Variants in STRN observed in about 807,000 individuals in gnomAD.
STRN encodes the protein striatin.
STRN carries 53 observed loss-of-function variants against 96.3 expected under a neutral mutation model. That is an observed-to-expected ratio of 0.55 (90% CI 0.44 to 0.69). The LOEUF (loss-of-function observed/expected upper bound fraction) is 0.69, where lower values mean the gene tolerates loss of function less well. Among genes scored for constraint, STRN ranks in the 30% least tolerant of loss-of-function variants. The pLI, the probability that STRN is intolerant of heterozygous loss-of-function variation, is 0.00. For missense variants in STRN, 987 were observed against 963.9 expected (o/e 1.02, Z -0.32); for synonymous variants, 428 against 355.9 (o/e 1.20, Z -2.28).
At chr2:36,956,410 G>A (rs913512237) in intron 1 of STRN, among the ~76,000 whole-genome samples, 6 of 152,146 alleles carry the variant, frequency 3.9e-5, no homozygotes, top group African/African-American at 1.4e-4. Context: ...CTGACTCTGA[G>A]GCCCATACTT....
chr2:36,882,484 C>T (rs758875195), intron 9 of STRN, among the ~76,000 whole-genome samples: 1 of 152,090 alleles, frequency 6.6e-6, no homozygotes, highest in Non-Finnish European at 1.5e-5. Flanking sequence ...TCCTGAACTG[C>T]GGCTGAGCCC....
chr2:36,869,880 C>T (rs571186634), intron 10 of STRN, 151 bp from the exon 11 acceptor site: 61 of 579,950 alleles, frequency 1.1e-4, no homozygotes, highest in Middle Eastern at 5.0e-4. Context: ...AATAACCAAA[C>T]CACGAAGCAA....
At chr2:36,870,663 T>A (rs544341293) in intron 10 of STRN, among the ~76,000 whole-genome samples, 1 of 152,352 alleles carries the variant, frequency 6.6e-6, no homozygotes, top group African/African-American at 2.4e-5. Flanking sequence ...CTAGCACATA[T>A]AATTATGTAC....
intron 5 of STRN, among the ~76,000 whole-genome samples, chr2:36,901,303 A>G (rs1558644794): frequency 1.3e-5 from 2 of 152,200 alleles, no homozygotes; most frequent in African/African-American, 4.8e-5. Flanking sequence ...CGGTAATCCC[A>G]GTACTTCAGG....
At chr2:36,948,207 T>A (rs1056825202) in intron 1 of STRN, among the ~76,000 whole-genome samples, 1 of 148,902 alleles carries the variant, frequency 6.7e-6, no homozygotes, top group African/African-American at 2.5e-5. Context: ...GTTCAAGTGA[T>A]TCTCCTGCCT....
intron 11 of STRN, among the ~76,000 whole-genome samples, chr2:36,868,276 T>C (rs1163755505): frequency 6.6e-6 from 1 of 152,120 alleles, no homozygotes; most frequent in Non-Finnish European, 1.5e-5. Context: ...TAACACCAAA[T>C]AATCACAGGA....
intron 1 of STRN, among the ~76,000 whole-genome samples, chr2:36,961,864 T>C (rs750334202): frequency 6.6e-6 from 1 of 152,192 alleles, no homozygotes; most frequent in Non-Finnish European, 1.5e-5. Flanking sequence ...CTAGCCACTT[T>C]TCCCTCCTTG....
At chr2:36,920,707 G>C (rs1670229791) in intron 2 of STRN, among the ~76,000 whole-genome samples, 4 of 149,590 alleles carry the variant, frequency 2.7e-5, no homozygotes, top group Admixed American at 1.3e-4. Context: ...AGTTAAGAAA[G>C]AGAAGAAAAA....
In STRN at chr2:36,842,137, C is replaced by T. The variant is rs986985069; in HGVS notation, c.*7319G>A. 2 of 152,180 alleles carry T rather than the reference C, an allele frequency of 1.3e-5. No homozygotes were observed. The highest frequency in any genetic ancestry group is 6.6e-5 in the Admixed American group (1 of 15,266). 9.4% of individuals were successfully genotyped at this position (152,180 alleles called of 1,614,324 possible). Reference sequence around the variant, plus strand: ...TTAACATTTCGGCACATATACAAACCACAAGCTGTTTATTTCTACAACTCA... The same window carrying T: ...TTAACATTTCGGCACATATACAAACTACAAGCTGTTTATTTCTACAACTCA... On this transcript the variant is annotated 3_prime_UTR_variant, in exon 18 of 18. Transcript: ENST00000263918.
intron 1 of STRN, among the ~76,000 whole-genome samples, chr2:36,962,480 T>C (rs1231014597): frequency 1.3e-5 from 2 of 152,182 alleles, no homozygotes; most frequent in Non-Finnish European, 2.9e-5. Flanking sequence ...TAAAGTTCTT[T>C]ACTCCTGCTA....
chr2:36,957,181 G>T (rs955189274), intron 1 of STRN, among the ~76,000 whole-genome samples: 5 of 152,128 alleles, frequency 3.3e-5, no homozygotes, highest in Admixed American at 3.3e-4. Flanking sequence ...ATCCCTAAAG[G>T]GCTTATGTCT....
chr2:36,903,688 T>G (rs1354479383), intron 4 of STRN, among the ~76,000 whole-genome samples: 2 of 152,218 alleles, frequency 1.3e-5, no homozygotes, highest in Non-Finnish European at 2.9e-5. Context: ...TCTTAGTTAT[T>G]ATAGCTGAAA....
At chr2:36,893,665 C>T (rs1295477806) in intron 7 of STRN, among the ~76,000 whole-genome samples, 1 of 152,064 alleles carries the variant, frequency 6.6e-6, no homozygotes, top group African/African-American at 2.4e-5. Flanking sequence ...TATAGTAATT[C>T]AAATTCTTTT....
chr2:36,857,881 T>A lies in STRN; in HGVS notation c.1812A>T (p.Ala604=). Residue 604 remains alanine, a synonymous_variant, in exon 14 of 18, where the codon GCA becomes GCT. Coordinates refer to ENST00000263918, the MANE Select transcript of STRN (RefSeq NM_003162.4). ...CTTTAGTATCATTAAATACACTTAG[T>A]GCTGGAGCAACCTCAGTTGTATTCC... ...RLWNTTEVAP[A]LSVFNDTKEL... is the part of the protein sequence containing the mutation. 6.2e-7 allele frequency: 1 copy of A among 1,614,120 alleles called. No individual in the cohort carries two copies. The highest frequency in any genetic ancestry group is 8.5e-7 in the Non-Finnish European group (1 of 1,179,984).
chr2:36,949,025 G>T (rs912051479), intron 1 of STRN, among the ~76,000 whole-genome samples: 7 of 152,220 alleles, frequency 4.6e-5, no homozygotes, highest in Non-Finnish European at 8.8e-5. Context: ...ATATATACAT[G>T]ATGGTGGTCC....
Position 36,849,758 on chromosome 2 carries a change from G to C in STRN, c.2129C>G (p.Thr710Arg). 6.2e-7 allele frequency: 1 copy of C among 1,614,086 alleles called. No individual in the cohort carries two copies. Residue 710 changes from threonine to arginine, a missense_variant, in exon 17 of 18, where the codon ACA (threonine) becomes AGA (arginine). Physicochemically the swap from Thr to Arg is moderately conservative, Grantham distance 71. Transcript: ENST00000263918. The stretch of plus-strand genomic sequence containing the variant: ...GCCATTGGGATCAACTGCTAAACTT[G>C]TAACAGCTTCTAGGTGGGCTACCAT... ...HSMVAHLEAV[T>R]SLAVDPNGLY...
rs573722177 is a variant in STRN at position 36,897,449 on chromosome 2, T to A, written c.795+2074A>T. Among the ~76,000 whole-genome samples, 239 of 151,700 alleles carry A rather than the reference T, an allele frequency of 1.6e-3. 2 individuals carry two copies. The highest frequency in any genetic ancestry group is 5.5e-3 in the African/African-American group (226 of 41,440). On this transcript the variant is annotated intron_variant, in intron 6 of 17. Transcript: ENST00000263918. Reference sequence around the variant, plus strand: ...AAAACTAAAAAATATATATATATTTTTTTTTTGAGACAGTCTCGCTCTGTC... The same window carrying A: ...AAAACTAAAAAATATATATATATTTATTTTTTGAGACAGTCTCGCTCTGTC...
chr2:36,904,123 T>C (rs1669757667), intron 4 of STRN, among the ~76,000 whole-genome samples: 1 of 152,204 alleles, frequency 6.6e-6, no homozygotes, highest in Non-Finnish European at 1.5e-5. Context: ...ATTAACATTC[T>C]AAGAACACAT....
chr2:36,943,457 A>G (rs182686133), intron 1 of STRN, among the ~76,000 whole-genome samples: 74 of 152,098 alleles, frequency 4.9e-4, no homozygotes, highest in African/African-American at 1.5e-3. Flanking sequence ...ACATTGTTCT[A>G]AGTATTATAT....
Sources: allele counts gnomAD v4.1 joint callset (sites outside exome capture counted in the v4.1 genomes callset), GRCh38; gene constraint gnomAD v4.1.1; transcripts MANE v1.5; gene names NCBI Gene and HGNC (gene_info 2026-07-23, HGNC 2026-07-21).